The following FMR1NB variants were observed in gnomAD, a reference collection of about 807,000 sequenced individuals.
The protein encoded by FMR1NB is FMR1 neighbor, also known as FMR1 neighbor protein.
FMR1NB carries 10 observed loss-of-function variants against 16.8 expected under a neutral mutation model. The observed-to-expected ratio is 0.60, with a 90% confidence interval of 0.37 to 1.01. FMR1NB has a LOEUF of 1.01. Among genes scored for constraint, FMR1NB ranks in the 50% least tolerant of loss-of-function variants. The pLI is 0.01. For synonymous variants in FMR1NB, 83 were observed against 79.1 expected (o/e 1.05, Z -0.26); for missense variants, 205 against 204.8 (o/e 1.00, Z 0.00).
At chrX:148,003,393 C>A in intron 2 of FMR1NB, 73 bp downstream of exon 2, 1 of 1,114,004 alleles carries the variant, frequency 9.0e-7, no homozygotes, top group Non-Finnish European at 1.2e-6. Context: ...GTTTAGGAAG[C>A]AGTGTGGTGT....
At chrX:147,987,001 C>G (rs186893080) in intron 1 of FMR1NB, among the ~76,000 whole-genome samples, 1 of 111,172 alleles carries the variant, frequency 9.0e-6, no homozygotes, top group Middle Eastern at 4.6e-3. Flanking sequence ...TTTCCTTGAG[C>G]AATGGTTTGT....
intron 1 of FMR1NB, among the ~76,000 whole-genome samples, chrX:147,986,945 T>A (rs183767240): frequency 8.9e-6 from 1 of 112,130 alleles, no homozygotes; most frequent in East Asian, 2.8e-4. Context: ...ATTCTTCTTA[T>A]CAATGAACAT....
intron 1 of FMR1NB, among the ~76,000 whole-genome samples, chrX:147,999,674 G>T (rs938853861): frequency 5.4e-5 from 6 of 111,128 alleles, no homozygotes; most frequent in Non-Finnish European, 1.1e-4. Flanking sequence ...TTTGTTAGTG[G>T]TCTGTCTTCT....
intron 1 of FMR1NB, among the ~76,000 whole-genome samples, chrX:147,990,070 G>C (rs1201022910): frequency 9.2e-6 from 1 of 109,208 alleles, no homozygotes; most frequent in Non-Finnish European, 1.9e-5. Flanking sequence ...AGCTCCTGCA[G>C]CTAGCTCCGT....
In FMR1NB at chrX:147,981,773, A is replaced by G. The variant is rs953298343; in HGVS notation, c.277+94A>G. 20 of 967,144 alleles carry G rather than the reference A, an allele frequency of 2.1e-5. No homozygotes were observed. In the African/African-American group the frequency reaches 3.1e-4, roughly 15 times the overall value. 79.7% of individuals were successfully genotyped at this position (967,144 alleles called of 1,213,427 possible). Reference sequence around the variant, plus strand: ...GTGTGGCAACACACCGGCACCAACCATAGGCCTTCCTGCCCCTTCCTGTCC... The same window carrying G: ...GTGTGGCAACACACCGGCACCAACCGTAGGCCTTCCTGCCCCTTCCTGTCC... On this transcript the variant is annotated intron_variant, in intron 1 of 5. Transcript: ENST00000370467.
intron 1 of FMR1NB, among the ~76,000 whole-genome samples, chrX:147,997,997 C>T (rs1468895168): frequency 8.9e-6 from 1 of 112,554 alleles, no homozygotes; most frequent in Admixed American, 9.4e-5. Flanking sequence ...CGCTTTTACA[C>T]TGTTGATGGG....
intron 1 of FMR1NB, among the ~76,000 whole-genome samples, chrX:147,982,586 C>A (rs1177571342): frequency 1.7e-5 from 1 of 58,467 alleles, no homozygotes; most frequent in Non-Finnish European, 2.9e-5. Flanking sequence ...GAGACTCCGT[C>A]TCAAAAAAAA....
intron 1 of FMR1NB, among the ~76,000 whole-genome samples, chrX:147,990,920 C>T (rs1287383500): frequency 9.1e-6 from 1 of 110,250 alleles, no homozygotes; most frequent in Admixed American, 9.7e-5. Flanking sequence ...CATCTCCTCT[C>T]TTAAAGCTTT....
In FMR1NB at chrX:148,011,408, AT is replaced by A; in HGVS notation, c.632+2699del. Among the ~76,000 whole-genome samples the A allele has an allele frequency of 4.5e-5, 5 of 111,772 alleles. No homozygotes were observed. In the Admixed American group the frequency reaches 4.7e-4, roughly 11 times the overall value. The stretch of plus-strand genomic sequence containing the variant: ...TGGCGCCTAAGTCATTTTTTCCACT[AT>A]TGACCATATTCATTGAATGTTTGCC... On this transcript the variant is annotated intron_variant, in intron 4 of 5. Coordinates refer to ENST00000370467, the MANE Select transcript of FMR1NB (RefSeq NM_152578.3).
At chrX:147,991,664 T>TTTTTTTA (rs2044505695) in intron 1 of FMR1NB, among the ~76,000 whole-genome samples, 1 of 94,592 alleles carries the variant, frequency 1.1e-5, no homozygotes, top group African/African-American at 4.4e-5. Context: ...TTTTTTTTTT[T>TTTTTTTA]AATTTATTTT....
chrX:148,006,663 C>T, intron 2 of FMR1NB, 39 bp from the exon 3 acceptor site: 1 of 1,174,101 alleles, frequency 8.5e-7, no homozygotes, highest in Middle Eastern at 2.4e-4. Context: ...GGTAACTAAC[C>T]ATGCTGAATT....
chrX:148,009,467 C>T (rs138643018), intron 4 of FMR1NB, among the ~76,000 whole-genome samples: 97 of 110,020 alleles, frequency 8.8e-4, no homozygotes, highest in African/African-American at 3.1e-3. Flanking sequence ...TTCTTCTTAG[C>T]ATCTTATACA....
At chrX:148,002,221 T>A (rs2044574162) in intron 1 of FMR1NB, among the ~76,000 whole-genome samples, 1 of 111,925 alleles carries the variant, frequency 8.9e-6, no homozygotes, top group Non-Finnish European at 1.9e-5. Flanking sequence ...TTAAGTTCTC[T>A]ACTATGCAAC....
At chrX:148,021,615 C>T (rs1262584839) in intron 4 of FMR1NB, among the ~76,000 whole-genome samples, 1 of 110,908 alleles carries the variant, frequency 9.0e-6, no homozygotes, top group Non-Finnish European at 1.9e-5. Context: ...CCCCTAGCCT[C>T]AGAGTTCCCT....
intron 4 of FMR1NB, among the ~76,000 whole-genome samples, chrX:148,015,100 A>G (rs2044643451): frequency 9.0e-6 from 1 of 111,503 alleles, no homozygotes; most frequent in Non-Finnish European, 1.9e-5. Flanking sequence ...AGATTTTACA[A>G]TTTATTGGCA....
chrX:147,996,185 C>T (rs2044540679), intron 1 of FMR1NB, among the ~76,000 whole-genome samples: 1 of 111,491 alleles, frequency 9.0e-6, no homozygotes, highest in Non-Finnish European at 1.9e-5. Context: ...AAATAAATAT[C>T]CTGAAAACAA....
chrX:147,987,682 G>A (rs1463006108), intron 1 of FMR1NB, among the ~76,000 whole-genome samples: 1 of 110,974 alleles, frequency 9.0e-6, no homozygotes, highest in African/African-American at 3.3e-5. Flanking sequence ...TCTTTTTGTA[G>A]GTCTGTAGGA....
rs782569083 is a variant in FMR1NB at position 147,981,525 on chromosome X, C to T, written c.123C>T (p.Ser41=). The stretch of plus-strand genomic sequence containing the variant: ...CAACTGAGTCGAATCCCGAGAGCAG[C>T]CATCCTGGATACGAGGCCGCCATGG... ...LAATESNPES[S]HPGYEAAMAD... is the part of the protein sequence containing the mutation. The change falls in exon 1 of 6, where the codon AGC becomes AGT. Residue 41 remains serine, a synonymous_variant. Transcript: ENST00000370467. 23 of 1,212,025 alleles carry T rather than the reference C, an allele frequency of 1.9e-5. No homozygotes were observed. The South Asian group carries it at 3.9e-4, about 20-fold the overall frequency.
intron 1 of FMR1NB, among the ~76,000 whole-genome samples, chrX:148,000,836 T>C (rs916113930): frequency 6.3e-5 from 7 of 111,949 alleles, no homozygotes; most frequent in Non-Finnish European, 1.1e-4. Flanking sequence ...ACGCCCATTA[T>C]TATGGTTATT....
Sources: gnomAD v4.1 joint callset for allele counts (sites outside exome capture counted in the v4.1 genomes callset) on GRCh38, gnomAD v4.1.1 for gene constraint, MANE v1.5 for transcripts, NCBI Gene and HGNC (gene_info 2026-07-23, HGNC 2026-07-21) for gene names.